The following OR56A3 variants were observed in gnomAD, a reference collection of about 807,000 sequenced individuals.
The protein encoded by OR56A3 is olfactory receptor family 56 subfamily A member 3.
In OR56A3, 23 loss-of-function variants were observed where a neutral mutation model predicts 17.5. The observed-to-expected ratio is 1.32, with a 90% CI of 0.95 to 1.87. OR56A3 has a LOEUF of 1.87. Among genes scored for constraint, OR56A3 ranks in the 40% most tolerant of loss-of-function variants. The probability of loss-of-function intolerance (pLI) is 0.00; values close to 1 mark genes in which losing one functional copy is unlikely to be tolerated. For missense variants in OR56A3, 366 were observed against 380.1 expected (o/e 0.96, Z 0.31); for synonymous variants, 175 against 150.6 (o/e 1.16, Z -1.19).
the OR56A3 span, among the ~76,000 whole-genome samples, chr11:5,980,470 A>C: frequency 6.6e-6 from 1 of 152,140 alleles, no homozygotes; most frequent in African/African-American, 2.4e-5. Context: ...GTTGGTTTAA[A>C]GTCAGTTCTG....
chr11:5,990,312 T>C, the OR56A3 span, among the ~76,000 whole-genome samples: 1 of 152,170 alleles, frequency 6.6e-6, no homozygotes. Context: ...GAGGCTAAAT[T>C]TAAGCATAGG....
the OR56A3 span, among the ~76,000 whole-genome samples, chr11:5,975,770 G>A: frequency 6.6e-6 from 1 of 151,984 alleles, no homozygotes; most frequent in Non-Finnish European, 1.5e-5. Flanking sequence ...CTAGATCCCT[G>A]AGGAATCGCC....
chr11:5,955,906 T>C (rs1429040896), downstream of OR56A3, among the ~76,000 whole-genome samples: 1 of 152,208 alleles, frequency 6.6e-6, no homozygotes, highest in Non-Finnish European at 1.5e-5. Flanking sequence ...CCATTTGCCC[T>C]ACGAATACTT....
At chr11:5,983,628 G>A in the OR56A3 span, among the ~76,000 whole-genome samples, 33 of 152,286 alleles carry the variant, frequency 2.2e-4, no homozygotes, top group African/African-American at 7.9e-4. Context: ...CTTCCACAGA[G>A]GAAGGCTCTT....
At chr11:6,002,110 A>G in the OR56A3 span, 1 of 1,613,166 alleles carries the variant, frequency 6.2e-7, no homozygotes, top group Non-Finnish European at 8.5e-7. Context: ...CTCACACCAT[A>G]AACAATGGGG....
At chr11:6,001,111 A>C in the OR56A3 span, 3 of 152,218 alleles carry the variant, frequency 2.0e-5, no homozygotes, top group Admixed American at 6.5e-5. Context: ...AGAATACACT[A>C]TTCTGTGAAA....
At chr11:5,967,990 G>A in the OR56A3 span, 5 of 1,589,316 alleles carry the variant, frequency 3.1e-6, no homozygotes, top group Non-Finnish European at 3.4e-6. Flanking sequence ...CAGTATCTGA[G>A]TCGAGAAGAA....
the OR56A3 span, among the ~76,000 whole-genome samples, chr11:6,018,752 G>T: frequency 0.7 from 106,348 of 151,212 alleles, 37,638 homozygotes; most frequent in East Asian, 0.94. Flanking sequence ...TTTGATTTTT[G>T]GAAAAGATAA....
the OR56A3 span, chr11:6,003,166 CAAGT>C: frequency 6.6e-7 from 1 of 1,505,274 alleles, no homozygotes; most frequent in Non-Finnish European, 9.0e-7. Flanking sequence ...TATATTTAAC[CAAGT>C]ATGTATCATA....
chr11:5,970,132 A>G, the OR56A3 span, among the ~76,000 whole-genome samples: 73 of 152,248 alleles, frequency 4.8e-4, no homozygotes, highest in Admixed American at 1.0e-3. Flanking sequence ...CATGTGAAAT[A>G]AAATGTTAGA....
the OR56A3 span, chr11:5,967,549 T>C: frequency 1.3e-6 from 2 of 1,543,426 alleles, no homozygotes; most frequent in Non-Finnish European, 1.7e-6. Context: ...ATTCATTTTA[T>C]TTTTTACAAC....
chr11:6,021,522 T>A, the OR56A3 span: 24 of 152,222 alleles, frequency 1.6e-4, no homozygotes, highest in African/African-American at 5.3e-4. Flanking sequence ...GTATCAATTT[T>A]AAAATGAATA....
At chr11:5,978,569 C>T in the OR56A3 span, among the ~76,000 whole-genome samples, 1 of 151,674 alleles carries the variant, frequency 6.6e-6, no homozygotes, top group African/African-American at 2.4e-5. Context: ...ATTTTGTGTC[C>T]TGAAATTTGC....
chr11:5,945,946 G>A (rs571345785), intron 2 of OR56A3, among the ~76,000 whole-genome samples: 14 of 152,334 alleles, frequency 9.2e-5, no homozygotes, highest in African/African-American at 3.4e-4. Context: ...CCAAAAGGCT[G>A]AGAAGCGATA....
chr11:5,992,388 GA>G, the OR56A3 span, among the ~76,000 whole-genome samples: 1 of 152,142 alleles, frequency 6.6e-6, no homozygotes, highest in South Asian at 2.1e-4. Flanking sequence ...ATCCTAGCTT[GA>G]GAGGTCCCAC....
the OR56A3 span, among the ~76,000 whole-genome samples, chr11:6,009,565 C>T: frequency 1.3e-5 from 2 of 152,146 alleles, no homozygotes; most frequent in Non-Finnish European, 2.9e-5. Flanking sequence ...CATGCACACA[C>T]ACACACATAA....
chr11:5,998,772 G>A, the OR56A3 span, among the ~76,000 whole-genome samples: 1 of 152,140 alleles, frequency 6.6e-6, no homozygotes, highest in Admixed American at 6.5e-5. Flanking sequence ...CTTTGAGCAG[G>A]GATTGCAAAG....
the OR56A3 span, among the ~76,000 whole-genome samples, chr11:6,017,280 A>G: frequency 2.0e-4 from 30 of 152,392 alleles, no homozygotes; most frequent in African/African-American, 6.7e-4. Flanking sequence ...TCCAAGTTTC[A>G]CAAAAGATTT....
the OR56A3 span, among the ~76,000 whole-genome samples, chr11:6,005,905 T>A: frequency 1.4e-4 from 22 of 152,290 alleles, no homozygotes; most frequent in Admixed American, 1.4e-3. Context: ...ATATGAATTT[T>A]CCGAGGACAC....
Sources: gnomAD v4.1 joint callset for allele counts (sites outside exome capture counted in the v4.1 genomes callset) on GRCh38, gnomAD v4.1.1 for gene constraint, MANE v1.5 for transcripts, NCBI Gene and HGNC (gene_info 2026-07-23, HGNC 2026-07-21) for gene names.